DNMT3L: variants seen among roughly 807,000 people sequenced by gnomAD.
DNMT3L encodes the protein DNA methyltransferase 3 like, also known as DNA (cytosine-5)-methyltransferase 3-like.
A neutral mutation model predicts 36.2 loss-of-function variants in DNMT3L; 33 were observed. The observed-to-expected ratio is 0.91, with a 90% confidence interval of 0.69 to 1.22. DNMT3L has a LOEUF of 1.22. DNMT3L is among the 50% of genes most tolerant of loss of function. The probability of loss-of-function intolerance (pLI) is 0.00; values close to 1 mark genes in which losing one functional copy is unlikely to be tolerated. For missense variants in DNMT3L, 310 were observed against 303.1 expected, an observed-to-expected ratio of 1.02 and a Z score of -0.17; for synonymous variants, 117 against 121.7, an observed-to-expected ratio of 0.96 and a Z score of 0.26.
intron 6 of DNMT3L, 65 bp from the exon 7 acceptor site, chr21:44,256,219 C>T (rs988896501): frequency 5.2e-6 from 8 of 1,547,382 alleles, no homozygotes; most frequent in Non-Finnish European, 7.1e-6. Context: ...CCTTGAGTTA[C>T]AATGAAAATT....
Position 44,256,531 on chromosome 21 carries a change from T to G in DNMT3L, c.517-377A>C, listed in dbSNP as rs148417229. ...TTTCCGCCTCCCGGGTTCAAGCGAT[T>G]CTCCTGCTTCACCCTCCCGAGTAGC... On this transcript the variant is annotated intron_variant, in intron 6 of 11. Transcript: ENST00000628202. 1.5e-4 allele frequency among the ~76,000 whole-genome samples: 22 copies of G among 151,196 alleles called. No homozygotes were observed. In the East Asian group the frequency reaches 4.4e-3, roughly 30 times the overall value.
chr21:44,259,361 C>T (rs1342177585), intron 5 of DNMT3L, 76 bp downstream of exon 5: 1 of 1,453,402 alleles, frequency 6.9e-7, no homozygotes, highest in Non-Finnish European at 9.6e-7. Flanking sequence ...AATCCACCCA[C>T]ACTCCAGAAT....
Position 44,256,091 on chromosome 21 carries a change from A to T in DNMT3L, c.580T>A (p.Ser194Thr), listed in dbSNP as rs199990417. The change falls in exon 7 of 12, where the codon TCC becomes ACC. Residue 194 changes from serine (S) to threonine (T), a missense_variant. Transcript: ENST00000628202. ...VWRRQPVRVL[S>T]LFEDIKKELT... The stretch of plus-strand genomic sequence containing the variant: ...CCTTTCTTGATGTCTTCAAAAAGGG[A>T]CAGCACCCGGACTGGCTGTCTCCTC... The T allele has an allele frequency of 1.5e-4, 242 of 1,613,906 alleles. 1 individual carries two copies. The South Asian group carries it at 1.6e-3, about 11-fold the overall frequency.
intron 6 of DNMT3L, 94 bp from the exon 7 acceptor site, chr21:44,256,248 C>A: frequency 7.8e-7 from 1 of 1,276,602 alleles, no homozygotes; most frequent in Non-Finnish European, 1.1e-6. Flanking sequence ...GATGAACACT[C>A]ACTCGAGACT....
At position 44,261,292 on chromosome 21, in the gene DNMT3L, T is replaced by A. The variant is rs756362656; in HGVS notation, c.-7-26A>T. 14 of 1,605,358 alleles carry A rather than the reference T, an allele frequency of 8.7e-6. No individual in the cohort carries two copies. The African/African-American group carries it at 1.2e-4, about 14-fold the overall frequency. ...CTGTGTCAGGACACACGGACACAGA[T>A]GTGAGAAAGCCGTCAGCCCCTGCTC... On this transcript the variant is annotated intron_variant, in intron 1 of 11. Transcript: ENST00000628202.
chr21:44,260,735 G>A (rs1758566992), intron 3 of DNMT3L, 60 bp downstream of exon 3: 8 of 1,607,468 alleles, frequency 5.0e-6, no homozygotes, highest in Middle Eastern at 1.6e-4. Flanking sequence ...TGGGATTATA[G>A]GTGTGAGCCA....
At chr21:44,255,373 TA>T (rs1234496484) in intron 7 of DNMT3L, among the ~76,000 whole-genome samples, 2 of 151,696 alleles carry the variant, frequency 1.3e-5, no homozygotes, top group Non-Finnish European at 1.5e-5. Flanking sequence ...ACACAAAAAT[TA>T]GCTGGGCGTG....
At chr21:44,256,748 C>T (rs1230269366) in intron 6 of DNMT3L, among the ~76,000 whole-genome samples, 2 of 152,088 alleles carry the variant, frequency 1.3e-5, no homozygotes, top group African/African-American at 4.8e-5. Context: ...TTTCCCTGAC[C>T]CTGCCAACCT....
chr21:44,254,653 C>T lies in DNMT3L; in HGVS notation c.657G>A (p.Lys219=), dbSNP rs2040243462. Residue 219 remains lysine (K), a synonymous_variant, in exon 8 of 12, where the codon AAG becomes AAA. Transcript: ENST00000628202. ...LESGSDPGQL[K]HVVDVTDTVR... ...CTGTGTCTGTGACATCAACCACATG[C>T]TTCAGTTGTCCCGGGTCAGAACCAC... is the stretch of plus-strand genomic sequence containing the variant. The T allele has an allele frequency of 6.2e-7, 1 of 1,613,958 alleles. No homozygotes were observed.
At chr21:44,257,685 AAAAAAAAAAAAT>A (rs1056066758) in intron 6 of DNMT3L, among the ~76,000 whole-genome samples, 12 of 46,302 alleles carry the variant, frequency 2.6e-4, no homozygotes, top group South Asian at 6.0e-4. Context: ...CGTCTCAAAA[AAAAAAAAAAAAT>A]AAATAAATAA....
Position 44,256,154 on chromosome 21 carries a change from C to A in DNMT3L, c.517G>T (p.Glu173Ter). 1 of 1,613,864 alleles carries A rather than the reference C, an allele frequency of 6.2e-7. No individual in the cohort carries two copies. Among genetic ancestry groups the A allele is most frequent in the African/African-American group, 1.3e-5 (1 of 75,046 alleles). Residue 173 changes from glutamate to a stop codon, truncating the protein, a stop_gained and splice_region_variant, in exon 7 of 12, where the codon GAG (glutamate) becomes TAG (stop). Coordinates refer to ENST00000628202, the MANE Select transcript of DNMT3L (RefSeq NM_175867.3). LOFTEE classifies it high-confidence loss of function. ...GTTTCGAACATCTCAAGGGGATTCT[C>A]CTATTTATTAAAAAACCAAAACAGG... ...QLKAFYDRESENPLEMFETVP... is the reference protein window; with the variant it reads ...QLKAFYDRES
At chr21:44,254,536 G>A (rs186251051) in intron 8 of DNMT3L, 81 bp downstream of exon 8, 25 of 1,504,744 alleles carry the variant, frequency 1.7e-5, no homozygotes, top group African/African-American at 2.8e-5. Context: ...CTCCTTGCCC[G>A]CCTCATCCTT....
At position 44,258,542 on chromosome 21, in the gene DNMT3L, G is replaced by A. The variant is rs1020389476; in HGVS notation, c.497C>T (p.Ala166Val). 6.3e-7 allele frequency: 1 copy of A among 1,584,772 alleles called. No homozygotes were observed. Among genetic ancestry groups the A allele is most frequent in the Non-Finnish European group, 8.6e-7 (1 of 1,165,934 alleles). Residue 166 changes from alanine (A) to valine (V), a missense_variant, in exon 6 of 12, where the codon GCC becomes GTC. Physicochemically the swap from Ala to Val is moderately conservative, Grantham distance 64 (BLOSUM62 0). Coordinates refer to ENST00000628202, the MANE Select transcript of DNMT3L (RefSeq NM_175867.3). The surrounding 1 kb of genome is among the most constrained non-coding windows in gnomAD (Gnocchi z 6.2). ...CCTTACCGACTCTCGGTCGTAGAAG[G>A]CCTTGAGCTGGCTGCGCCACTTCCT... is the stretch of plus-strand genomic sequence containing the variant. ...RRRKWRSQLK[A>V]FYDRESENPL... is the part of the protein sequence containing the mutation.
At chr21:44,259,841 T>G (rs1477345260) in intron 3 of DNMT3L, 130 bp from the exon 4 acceptor site, 9 of 952,820 alleles carry the variant, frequency 9.4e-6, no homozygotes, top group Non-Finnish European at 1.4e-5. Flanking sequence ...TTGGAAGATG[T>G]TAAGGAAGAT....
chr21:44,256,121 C>T lies in DNMT3L; in HGVS notation c.550G>A (p.Val184Met), dbSNP rs899692061. 3.1e-6 allele frequency: 5 copies of T among 1,613,990 alleles called. No homozygotes were observed. The highest frequency in any genetic ancestry group is 1.7e-4 in the Middle Eastern group (1 of 6,060). The change falls in exon 7 of 12, where the codon GTG becomes ATG. Residue 184 changes from valine (V) to methionine (M), a missense_variant. Val to Met is a conservative substitution (Grantham distance 21). Coordinates refer to ENST00000628202, the MANE Select transcript of DNMT3L (RefSeq NM_175867.3). ...NPLEMFETVP[V>M]WRRQPVRVLS... is the part of the protein sequence containing the mutation. ...ACCCGGACTGGCTGTCTCCTCCACACAGGCACGGTTTCGAACATCTCAAGG... is the reference window on the plus strand; with the variant it reads ...ACCCGGACTGGCTGTCTCCTCCACATAGGCACGGTTTCGAACATCTCAAGG...
chr21:44,258,792 A>G lies in DNMT3L; in HGVS notation c.345-98T>C. ...GATTGAGCCTTGTTTTGGAGGGAAA[A>G]GTCACGCTGGAGCTCCCTTTGGGAA... On this transcript the variant is annotated intron_variant, in intron 5 of 11. Coordinates refer to ENST00000628202, the MANE Select transcript of DNMT3L (RefSeq NM_175867.3). This position sits in a 1 kb window ranked among gnomAD's most constrained non-coding sequence, Gnocchi z 6.2. 6.8e-7 allele frequency: 1 copy of G among 1,477,612 alleles called. No individual in the cohort carries two copies. The highest frequency in any genetic ancestry group is 1.3e-5 in the South Asian group (1 of 74,510). The allele number at this position is 1,477,612 out of a possible 1,614,324, so 91.5% of individuals were successfully genotyped here.
At chr21:44,257,270 T>G (rs2040266956) in intron 6 of DNMT3L, among the ~76,000 whole-genome samples, 1 of 152,034 alleles carries the variant, frequency 6.6e-6, no homozygotes, top group Admixed American at 6.6e-5. Context: ...TCCCAGGTAC[T>G]CAGGAGGCAG....
At chr21:44,255,978 G>T in intron 7 of DNMT3L, 89 bp downstream of exon 7, 4 of 1,354,958 alleles carry the variant, frequency 3.0e-6, no homozygotes, top group Non-Finnish European at 4.2e-6. Flanking sequence ...CTAGGGGAGG[G>T]GGTGGGGAGT....
At chr21:44,253,650 C>T (rs1007428009) in intron 8 of DNMT3L, among the ~76,000 whole-genome samples, 2 of 152,066 alleles carry the variant, frequency 1.3e-5, no homozygotes, top group Admixed American at 6.5e-5. Context: ...ACCCTGGAGG[C>T]GGAGGTTGCA....
Sources: gnomAD v4.1 joint callset for allele counts (sites outside exome capture counted in the v4.1 genomes callset) on GRCh38, gnomAD v4.1.1 for gene constraint, Gnocchi (gnomAD v3.1) non-coding constraint, MANE v1.5 for transcripts, NCBI Gene and HGNC (gene_info 2026-07-23, HGNC 2026-07-21) for gene names.